TMEM163: variants seen among roughly 807,000 people sequenced by gnomAD.
TMEM163 encodes transmembrane protein 163.
A neutral mutation model predicts 29.3 loss-of-function variants in TMEM163; 17 were observed. The ratio of observed to expected loss-of-function variants is 0.58; its 90% confidence interval spans 0.40 to 0.87. TMEM163 has a LOEUF of 0.87. Ranked by LOEUF, TMEM163 falls within the 40% of genes least tolerant of loss-of-function variation. The probability of loss-of-function intolerance (pLI) is 0.00; values close to 1 mark genes in which losing one functional copy is unlikely to be tolerated. For synonymous variants in TMEM163, 157 were observed against 160.6 expected, an observed-to-expected ratio of 0.98 and a Z score of 0.17; for missense variants, 303 against 381.5, an observed-to-expected ratio of 0.79 and a Z score of 1.71.
At chr2:134,695,326 T>C (rs1255611745) in intron 2 of TMEM163, among the ~76,000 whole-genome samples, 1 of 151,788 alleles carries the variant, frequency 6.6e-6, no homozygotes, top group Admixed American at 6.6e-5. Context: ...GATTCACCCA[T>C]CTCGGCCTCC....
chr2:134,658,607 A>AT (rs1430477713), intron 2 of TMEM163, among the ~76,000 whole-genome samples: 4 of 149,136 alleles, frequency 2.7e-5, no homozygotes, highest in East Asian at 3.9e-4. Flanking sequence ...ATATATATAT[A>AT]TATTTTTTGA....
At chr2:134,646,332 G>A (rs1026929606) in intron 2 of TMEM163, among the ~76,000 whole-genome samples, 7 of 152,116 alleles carry the variant, frequency 4.6e-5, no homozygotes, top group African/African-American at 1.2e-4. Flanking sequence ...TGATCCACCC[G>A]CCTCAGCCTC....
intron 5 of TMEM163, among the ~76,000 whole-genome samples, chr2:134,471,052 G>T (rs973733083): frequency 6.6e-6 from 1 of 152,166 alleles, no homozygotes; most frequent in African/African-American, 2.4e-5. Flanking sequence ...CATGCTTGTA[G>T]CCCCAGCTAC....
intron 2 of TMEM163, among the ~76,000 whole-genome samples, chr2:134,674,252 G>A (rs578027678): frequency 6.6e-6 from 1 of 151,958 alleles, no homozygotes; most frequent in South Asian, 2.1e-4. Context: ...TTACATCACA[G>A]GTATCAGCCC....
intron 2 of TMEM163, among the ~76,000 whole-genome samples, chr2:134,710,211 C>T (rs1386008468): frequency 1.3e-5 from 2 of 152,216 alleles, no homozygotes; most frequent in East Asian, 3.9e-4. Flanking sequence ...GCAAAATAAA[C>T]TTTCTCAATT....
intron 4 of TMEM163, among the ~76,000 whole-genome samples, chr2:134,522,047 C>T (rs559044399): frequency 2.0e-5 from 3 of 152,238 alleles, no homozygotes; most frequent in South Asian, 2.1e-4. Context: ...TCCTTCTGTC[C>T]GTTTCTCCGA....
chr2:134,696,068 AG>A (rs35961346), intron 2 of TMEM163, among the ~76,000 whole-genome samples: 95 of 96,694 alleles, frequency 9.8e-4, no homozygotes, highest in Non-Finnish European at 2.9e-4. Flanking sequence ...AAAAAAAAAA[AG>A]GTTTAAATTC....
rs150818650 is a variant in TMEM163, at chr2:134,494,923, C to T, written c.555+7978G>A. 5.4e-3 allele frequency among the ~76,000 whole-genome samples: 825 copies of T among 152,274 alleles called. 7 individuals carry two copies. Among genetic ancestry groups the T allele is most frequent in the African/African-American group, 0.019 (782 of 41,556 alleles). ...TGCTTCAGAAGACCCCCGGCAGACA[C>T]GCTGACTGCATGGGCAGCAATCCTG... On this transcript the variant is annotated intron_variant, in intron 5 of 7. Transcript: ENST00000281924.
chr2:134,674,522 G>A (rs937712511), intron 2 of TMEM163, among the ~76,000 whole-genome samples: 2 of 142,758 alleles, frequency 1.4e-5, no homozygotes, highest in African/African-American at 5.3e-5. Context: ...ACCATATCTG[G>A]CTAATTTTTT....
chr2:134,609,974 G>T (rs1270807956), intron 2 of TMEM163, among the ~76,000 whole-genome samples: 1 of 152,194 alleles, frequency 6.6e-6, no homozygotes, highest in African/African-American at 2.4e-5. Context: ...AAGGGGAGGA[G>T]AAAGCAGAGA....
chr2:134,596,462 A>T (rs1035548273), intron 2 of TMEM163, among the ~76,000 whole-genome samples: 1 of 152,068 alleles, frequency 6.6e-6, no homozygotes, highest in African/African-American at 2.4e-5. Flanking sequence ...GTTCTGTTCC[A>T]TTGGTCTGTA....
At chr2:134,466,595 G>A (rs1686673699) in intron 5 of TMEM163, 1 of 187,130 alleles carries the variant, frequency 5.3e-6, no homozygotes, top group Admixed American at 6.0e-5. Flanking sequence ...TCACCAAGCA[G>A]TTGACTGAGA....
intron 2 of TMEM163, among the ~76,000 whole-genome samples, chr2:134,580,064 A>G (rs1681656625): frequency 6.6e-6 from 1 of 152,206 alleles, no homozygotes; most frequent in Non-Finnish European, 1.5e-5. Context: ...AAAAATCTCA[A>G]TCCCAGGCTT....
intron 4 of TMEM163, among the ~76,000 whole-genome samples, chr2:134,510,585 C>T (rs770820607): frequency 8.5e-5 from 13 of 152,104 alleles, no homozygotes; most frequent in Non-Finnish European, 1.2e-4. Flanking sequence ...CCAAGAAGAT[C>T]GAACTGGCAG....
chr2:134,491,635 G>A (rs1679431807), intron 5 of TMEM163, among the ~76,000 whole-genome samples: 1 of 152,150 alleles, frequency 6.6e-6, no homozygotes, highest in Non-Finnish European at 1.5e-5. Context: ...GGAAGGAGTG[G>A]TTTTATTTAT....
chr2:134,620,259 T>C (rs1211902205), intron 2 of TMEM163, among the ~76,000 whole-genome samples: 5 of 140,648 alleles, frequency 3.6e-5, no homozygotes, highest in African/African-American at 1.0e-4. Flanking sequence ...TCTAATTTCT[T>C]TTTTTTTTTT....
At chr2:134,558,542 C>A (rs1329374679) in intron 2 of TMEM163, among the ~76,000 whole-genome samples, 1 of 152,160 alleles carries the variant, frequency 6.6e-6, no homozygotes, top group Non-Finnish European at 1.5e-5. Flanking sequence ...AGGACCCAGG[C>A]AACCCATTGT....
intron 2 of TMEM163, among the ~76,000 whole-genome samples, chr2:134,572,728 C>T (rs1681461008): frequency 6.6e-6 from 1 of 152,142 alleles, no homozygotes; most frequent in Non-Finnish European, 1.5e-5. Flanking sequence ...TCTCAGAATT[C>T]GGAAGACTGT....
intron 2 of TMEM163, among the ~76,000 whole-genome samples, chr2:134,639,435 G>T (rs1683180336): frequency 6.6e-6 from 1 of 152,162 alleles, no homozygotes; most frequent in Non-Finnish European, 1.5e-5. Context: ...TACTGCCATG[G>T]TCTCTTTTAT....
Sources: gnomAD v4.1 joint callset for allele counts (sites outside exome capture counted in the v4.1 genomes callset) on GRCh38, gnomAD v4.1.1 for gene constraint, MANE v1.5 for transcripts, NCBI Gene and HGNC (gene_info 2026-07-23, HGNC 2026-07-21) for gene names.